The following TUSC3 variants were observed in gnomAD, a reference collection of about 807,000 sequenced individuals.
The protein encoded by TUSC3 is dolichyl-diphosphooligosaccharide--protein glycosyltransferase subunit TUSC3.
A neutral mutation model predicts 44.8 loss-of-function variants in TUSC3; 45 were observed. That is an observed-to-expected ratio of 1.00 (90% confidence interval 0.79 to 1.29). The LOEUF (loss-of-function observed/expected upper bound fraction) is 1.29. Ranked by LOEUF, TUSC3 falls within the 50% of genes most tolerant of loss-of-function variation. The pLI, the probability that TUSC3 is intolerant of heterozygous loss-of-function variation, is 0.00. For synonymous variants in TUSC3, 212 were observed against 152.9 expected (o/e 1.39, Z -2.85); for missense variants, 519 against 437.9 (o/e 1.19, Z -1.65).
intron 1 of TUSC3, among the ~76,000 whole-genome samples, chr8:15,549,695 T>G (rs1387534266): frequency 6.6e-6 from 1 of 151,604 alleles, no homozygotes; most frequent in Admixed American, 6.6e-5. Flanking sequence ...TTTTTTAGAA[T>G]TTTCAAGGGG....
At chr8:15,761,976 T>C (rs1485794509) in intron 10 of TUSC3, among the ~76,000 whole-genome samples, 1 of 152,052 alleles carries the variant, frequency 6.6e-6, no homozygotes, top group African/African-American at 2.4e-5. Flanking sequence ...TGTTTAGAAA[T>C]GAGAGACTAA....
chr8:15,716,622 A>T, intron 6 of TUSC3, among the ~76,000 whole-genome samples: 1 of 152,284 alleles, frequency 6.6e-6, no homozygotes, highest in Admixed American at 6.5e-5. Context: ...CTCTGGAGAA[A>T]TATTTTAATT....
intron 2 of TUSC3, among the ~76,000 whole-genome samples, chr8:15,513,563 C>T (rs1012194033): frequency 2.0e-5 from 3 of 152,244 alleles, no homozygotes; most frequent in Admixed American, 1.3e-4. Flanking sequence ...CCTTTTTAGA[C>T]TCAAGAACGT....
At chr8:15,424,248 A>G (rs1011578398) in intron 1 of TUSC3, among the ~76,000 whole-genome samples, 1 of 151,744 alleles carries the variant, frequency 6.6e-6, no homozygotes, top group Admixed American at 6.6e-5. Context: ...GGCCTCCCAA[A>G]GTGGCATTCA....
chr8:15,589,360 A>G (rs567100471), intron 1 of TUSC3, among the ~76,000 whole-genome samples: 36 of 152,148 alleles, frequency 2.4e-4, no homozygotes, highest in Admixed American at 2.1e-3. Flanking sequence ...ATCCATACGC[A>G]TGTTAAAGTT....
intron 6 of TUSC3, among the ~76,000 whole-genome samples, chr8:15,730,239 A>T (rs1274021447): frequency 1.3e-5 from 2 of 152,134 alleles, no homozygotes; most frequent in Non-Finnish European, 2.9e-5. Context: ...GCATTTATAA[A>T]GCTGACTCCG....
Position 15,485,774 on chromosome 8 carries a change from T to C in TUSC3, n.189+2291T>C, listed in dbSNP as rs114717629. Among the ~76,000 whole-genome samples the C allele has an allele frequency of 3.9e-3, 589 of 151,248 alleles. 6 individuals carry two copies. Among genetic ancestry groups the C allele is most frequent in the Middle Eastern group, 0.024 (7 of 290 alleles). ...TTATTTGAGAACTTTGCTTTGAATA[T>C]GAGTTTGAGTTTTTTGTTTGTTTGT... On this transcript the variant is annotated intron_variant and non_coding_transcript_variant, in intron 2 of 5. Transcript: ENST00000503191.
At chr8:15,545,877 T>G (rs1801845625) in intron 1 of TUSC3, among the ~76,000 whole-genome samples, 1 of 151,802 alleles carries the variant, frequency 6.6e-6, no homozygotes. Flanking sequence ...TCAGTGATCT[T>G]CAGCGTTTAT....
chr8:15,803,494 T>C, the TUSC3 span, among the ~76,000 whole-genome samples: 11 of 152,272 alleles, frequency 7.2e-5, no homozygotes, highest in East Asian at 1.5e-3. Context: ...ATTTTTCTTA[T>C]GTAAGGTTGA....
intron 2 of TUSC3, among the ~76,000 whole-genome samples, chr8:15,491,954 T>A (rs535904102): frequency 6.6e-6 from 1 of 152,356 alleles, no homozygotes; most frequent in Non-Finnish European, 1.5e-5. Flanking sequence ...CCGTGGCTAC[T>A]TCCATCTAAC....
At chr8:15,434,454 A>G (rs1799918741) in intron 1 of TUSC3, among the ~76,000 whole-genome samples, 2 of 151,786 alleles carry the variant, frequency 1.3e-5, no homozygotes, top group African/African-American at 2.4e-5. Context: ...TTCAAAGATG[A>G]AATCTTGTTT....
At chr8:15,677,878 G>C (rs919376766) in intron 6 of TUSC3, among the ~76,000 whole-genome samples, 1 of 152,224 alleles carries the variant, frequency 6.6e-6, no homozygotes, top group Non-Finnish European at 1.5e-5. Flanking sequence ...GGTTGGAGAG[G>C]CCTCGTCTGC....
chr8:15,504,785 C>T (rs533221960), intron 2 of TUSC3, among the ~76,000 whole-genome samples: 12 of 149,354 alleles, frequency 8.0e-5, no homozygotes, highest in Non-Finnish European at 1.8e-4. Context: ...CCCTAGTAGC[C>T]GGAACTACAG....
At chr8:15,825,354 G>A in the TUSC3 span, among the ~76,000 whole-genome samples, 44 of 152,246 alleles carry the variant, frequency 2.9e-4, 1 homozygote, top group South Asian at 1.7e-3. Flanking sequence ...AGTAAGGCAC[G>A]TCTTACATGG....
chr8:15,786,387 T>C, the TUSC3 span, among the ~76,000 whole-genome samples: 2 of 152,226 alleles, frequency 1.3e-5, no homozygotes, highest in Non-Finnish European at 2.9e-5. Context: ...GGGGAAAATA[T>C]TTTAATGTGT....
intron 1 of TUSC3, among the ~76,000 whole-genome samples, chr8:15,478,775 A>G (rs1444960561): frequency 1.3e-5 from 2 of 152,134 alleles, no homozygotes; most frequent in African/African-American, 4.8e-5. Flanking sequence ...AGAATGATTT[A>G]TACTCCTTTG....
Position 15,622,434 on chromosome 8 carries a change from ATAAGAGCC to A in TUSC3, c.139-644_139-637del, listed in dbSNP as rs200093481. ...AGGTGTGAGCCACCATTCCCAGCCT[ATAAGAGCC>A]TTCTATACAGAAGCTACAGTGCTGT... is the stretch of plus-strand genomic sequence containing the variant. On this transcript the variant is annotated intron_variant, in intron 1 of 10. Transcript: ENST00000503731. Among the ~76,000 whole-genome samples the A allele has an allele frequency of 6.0e-3, 918 of 152,066 alleles. 34 individuals carry two copies. Among genetic ancestry groups the A allele is most frequent in the Admixed American group, 0.055 (844 of 15,272 alleles).
chr8:15,593,806 C>T (rs546930374), intron 1 of TUSC3, among the ~76,000 whole-genome samples: 34 of 152,094 alleles, frequency 2.2e-4, no homozygotes, highest in Non-Finnish European at 3.5e-4. Context: ...TGTTTACCAT[C>T]GTCCAGTCCC....
chr8:15,653,519 A>G (rs748871722), intron 3 of TUSC3, among the ~76,000 whole-genome samples: 6 of 152,204 alleles, frequency 3.9e-5, no homozygotes, highest in South Asian at 4.1e-4. Flanking sequence ...AGTTTGGCGT[A>G]TAAGAGTTGA....
Sources: gnomAD v4.1 joint callset for allele counts (sites outside exome capture counted in the v4.1 genomes callset) on GRCh38, gnomAD v4.1.1 for gene constraint, MANE v1.5 for transcripts, NCBI Gene and HGNC (gene_info 2026-07-23, HGNC 2026-07-21) for gene names.